The following SUGCT variants were observed in gnomAD, a reference collection of about 807,000 sequenced individuals.
The protein encoded by SUGCT is succinyl-CoA:glutarate-CoA transferase.
A neutral mutation model predicts 55.0 loss-of-function variants in SUGCT; 41 were observed. The observed-to-expected ratio is 0.74, with a 90% CI of 0.58 to 0.97. The LOEUF is 0.97. SUGCT is among the 50% of genes least tolerant of loss of function. The probability of loss-of-function intolerance (pLI) is 0.00; values close to 1 mark genes in which losing one functional copy is unlikely to be tolerated. For missense variants in SUGCT, 568 were observed against 547.8 expected (o/e 1.04, Z -0.37); for synonymous variants, 187 against 200.4 (o/e 0.93, Z 0.56).
the SUGCT span, among the ~76,000 whole-genome samples, chr7:41,028,184 T>A: frequency 6.6e-6 from 1 of 152,274 alleles, no homozygotes; most frequent in African/African-American, 2.4e-5. Flanking sequence ...AGAGGGAACA[T>A]GCATTACAGC....
chr7:40,513,274 T>C (rs1793042728), intron 12 of SUGCT, among the ~76,000 whole-genome samples: 1 of 152,114 alleles, frequency 6.6e-6, no homozygotes, highest in Non-Finnish European at 1.5e-5. Context: ...CAAATTCTGA[T>C]AATAATCAAG....
At chr7:40,382,560 T>C (rs1784924074) in intron 9 of SUGCT, among the ~76,000 whole-genome samples, 1 of 152,152 alleles carries the variant, frequency 6.6e-6, no homozygotes, top group Non-Finnish European at 1.5e-5. Context: ...TGGTCTAAGC[T>C]CTTACCTTTA....
At chr7:40,379,429 TCC>T (rs960127471) in intron 9 of SUGCT, among the ~76,000 whole-genome samples, 1 of 152,220 alleles carries the variant, frequency 6.6e-6, no homozygotes, top group African/African-American at 2.4e-5. Context: ...TTTTTAATAT[TCC>T]CACATGCCTT....
chr7:40,551,957 T>C (rs1795321365), intron 12 of SUGCT, among the ~76,000 whole-genome samples: 1 of 152,154 alleles, frequency 6.6e-6, no homozygotes, highest in Non-Finnish European at 1.5e-5. Context: ...CCTATCAGAC[T>C]CATCAAACTT....
intron 8 of SUGCT, among the ~76,000 whole-genome samples, chr7:40,313,440 C>G (rs1795266799): frequency 6.6e-6 from 1 of 152,110 alleles, no homozygotes; most frequent in Non-Finnish European, 1.5e-5. Context: ...TTGACTTTCT[C>G]TCCCTTCTCC....
chr7:40,626,545 C>A (rs780928872), intron 12 of SUGCT, among the ~76,000 whole-genome samples: 6 of 152,108 alleles, frequency 3.9e-5, no homozygotes, highest in Non-Finnish European at 7.3e-5. Context: ...AGCCACTGAG[C>A]CCGGCCCAGA....
intron 13 of SUGCT, among the ~76,000 whole-genome samples, chr7:40,780,226 G>T (rs776589625): frequency 6.6e-6 from 1 of 152,172 alleles, no homozygotes; most frequent in Non-Finnish European, 1.5e-5. Context: ...TAAAAGAAAT[G>T]TGGAGCTCTT....
chr7:40,266,842 C>T (rs936034725), intron 7 of SUGCT, among the ~76,000 whole-genome samples: 2 of 151,760 alleles, frequency 1.3e-5, no homozygotes, highest in African/African-American at 4.8e-5. Flanking sequence ...TGGTGAAACC[C>T]CATCTCTACT....
chr7:40,928,953 C>T, the SUGCT span, among the ~76,000 whole-genome samples: 2 of 152,100 alleles, frequency 1.3e-5, no homozygotes, highest in African/African-American at 2.4e-5. Flanking sequence ...TAAAATTGTA[C>T]TTTAAGTTCT....
chr7:40,278,729 TCTC>T (rs764907295), intron 8 of SUGCT, among the ~76,000 whole-genome samples: 2 of 152,076 alleles, frequency 1.3e-5, no homozygotes, highest in South Asian at 2.1e-4. Flanking sequence ...TGTTTTCCTT[TCTC>T]CTCTATGCTC....
intron 8 of SUGCT, among the ~76,000 whole-genome samples, chr7:40,296,280 A>G (rs1046270961): frequency 1.3e-5 from 2 of 152,338 alleles, no homozygotes; most frequent in Non-Finnish European, 1.5e-5. Context: ...TGAAAAGACT[A>G]AAGTTAAATA....
At chr7:40,945,465 G>T in the SUGCT span, among the ~76,000 whole-genome samples, 1 of 152,116 alleles carries the variant, frequency 6.6e-6, no homozygotes, top group African/African-American at 2.4e-5. Context: ...TTCTAGAAAG[G>T]CTGTCTACAG....
At chr7:40,612,518 A>G (rs951879859) in intron 12 of SUGCT, among the ~76,000 whole-genome samples, 14 of 152,172 alleles carry the variant, frequency 9.2e-5, no homozygotes, top group Admixed American at 5.9e-4. Flanking sequence ...TTTAGCTTAC[A>G]AGAAGCAGCA....
chr7:40,843,426 C>A (rs947009067), intron 13 of SUGCT, among the ~76,000 whole-genome samples: 3 of 150,862 alleles, frequency 2.0e-5, no homozygotes, highest in Non-Finnish European at 4.4e-5. Flanking sequence ...AGGAGAATTG[C>A]TTGAACCAGG....
chr7:40,197,336 GA>G (rs1182529727), intron 6 of SUGCT, among the ~76,000 whole-genome samples: 1 of 152,310 alleles, frequency 6.6e-6, no homozygotes, highest in East Asian at 1.9e-4. Flanking sequence ...TGGAAATGTT[GA>G]GGTTTAAAAT....
intron 6 of SUGCT, among the ~76,000 whole-genome samples, chr7:40,224,906 G>A (rs1259392014): frequency 6.6e-6 from 1 of 152,234 alleles, no homozygotes; most frequent in East Asian, 1.9e-4. Context: ...CAATCATTCT[G>A]AATTGTTCCA....
intron 12 of SUGCT, among the ~76,000 whole-genome samples, chr7:40,658,340 C>T (rs1801130447): frequency 1.3e-5 from 2 of 152,294 alleles, no homozygotes; most frequent in Non-Finnish European, 2.9e-5. Flanking sequence ...TTCCCCCTTT[C>T]CGTCTCTTAA....
At chr7:40,833,607 T>C (rs1792809473) in intron 13 of SUGCT, among the ~76,000 whole-genome samples, 1 of 152,232 alleles carries the variant, frequency 6.6e-6, no homozygotes, top group East Asian at 1.9e-4. Flanking sequence ...GGTCCTGCAA[T>C]ATTTCTCTAG....
At chr7:40,447,822 T>G (rs1788932013) in intron 9 of SUGCT, among the ~76,000 whole-genome samples, 1 of 151,262 alleles carries the variant, frequency 6.6e-6, no homozygotes, top group Non-Finnish European at 1.5e-5. Context: ...GAGGAGGAAG[T>G]GAAGAAAAAG....
Sources: allele counts gnomAD v4.1 joint callset (sites outside exome capture counted in the v4.1 genomes callset), GRCh38; gene constraint gnomAD v4.1.1; transcripts MANE v1.5; gene names NCBI Gene and HGNC (gene_info 2026-07-23, HGNC 2026-07-21).